Variants in NDUFB3 observed in about 807,000 individuals in gnomAD.
NDUFB3 encodes the protein NADH:ubiquinone oxidoreductase subunit B3, also known as NADH dehydrogenase [ubiquinone] 1 beta subcomplex subunit 3.
Under a neutral mutation model 9.0 loss-of-function variants are expected in NDUFB3, and 7 were observed. That is an observed-to-expected ratio of 0.78 (90% CI 0.44 to 1.46). NDUFB3 has a LOEUF of 1.46. Ranked by LOEUF, NDUFB3 falls within the 40% of genes most tolerant of loss-of-function variation. The probability of loss-of-function intolerance (pLI) is 0.01; values close to 1 mark genes in which losing one functional copy is unlikely to be tolerated. For synonymous variants in NDUFB3, 29 were observed against 38.5 expected (o/e 0.75, Z 0.91); for missense variants, 93 against 115.4 (o/e 0.81, Z 0.89).
chr2:201,085,745 T>TGC lies in NDUFB3; in HGVS notation c.*131_*132dup. 1 of 687,012 alleles carries TGC rather than the reference T, an allele frequency of 1.5e-6. No individual in the cohort carries two copies. Among genetic ancestry groups the TGC allele is most frequent in the South Asian group, 3.8e-5 (1 of 26,352 alleles). 42.6% of individuals were successfully genotyped at this position (687,012 alleles called of 1,614,324 possible). On this transcript the variant is annotated 3_prime_UTR_variant, in exon 3 of 3. Transcript: ENST00000237889. ...TTTAATCAATTAAAATATATATATA[T>TGC]GCCAATCTGCTTTTGTCATTCTTAA...
At chr2:201,073,983 C>T (rs936108140) in intron 1 of NDUFB3, among the ~76,000 whole-genome samples, 3 of 152,016 alleles carry the variant, frequency 2.0e-5, no homozygotes, top group Non-Finnish European at 2.9e-5. Context: ...GACAGAGTCT[C>T]GCTCTGTCGC....
At chr2:201,079,544 G>A (rs1235553640) in intron 2 of NDUFB3, among the ~76,000 whole-genome samples, 1 of 152,078 alleles carries the variant, frequency 6.6e-6, no homozygotes, top group Non-Finnish European at 1.5e-5. Flanking sequence ...CCAGGCTTAA[G>A]CAATCCTCCC....
chr2:201,084,105 A>G (rs1014169163), intron 2 of NDUFB3, among the ~76,000 whole-genome samples: 1 of 152,158 alleles, frequency 6.6e-6, no homozygotes, highest in Non-Finnish European at 1.5e-5. Context: ...TGTGGCCAAC[A>G]TAGTGAAACC....
intron 2 of NDUFB3, among the ~76,000 whole-genome samples, chr2:201,084,708 C>T (rs1033369272): frequency 6.6e-6 from 1 of 152,222 alleles, no homozygotes. Flanking sequence ...TTTCTTCTAA[C>T]ATCTTTGTCT....
At chr2:201,074,302 A>G (rs2047134912) in intron 1 of NDUFB3, among the ~76,000 whole-genome samples, 1 of 152,068 alleles carries the variant, frequency 6.6e-6, no homozygotes, top group African/African-American at 2.4e-5. Context: ...ATCTGTTTTG[A>G]GATTAAGTTA....
chr2:201,078,768 T>C (rs1350596095), intron 1 of NDUFB3, 113 bp from the exon 2 acceptor site: 11 of 1,064,116 alleles, frequency 1.0e-5, no homozygotes, highest in African/African-American at 1.7e-5. Flanking sequence ...AGTATTTATA[T>C]TGGCTTTTTT....
chr2:201,082,416 C>T lies in NDUFB3; in HGVS notation c.141-3043C>T, dbSNP rs565696405. On this transcript the variant is annotated intron_variant, in intron 2 of 2. Transcript: ENST00000237889. ...AGTAGCTGGGACTACAGGTGCATGC[C>T]GCCATGCCCAGCTAATTTTTGTATT... Among the ~76,000 whole-genome samples the T allele has an allele frequency of 1.0e-3, 155 of 151,766 alleles. 1 individual carries two copies. Among genetic ancestry groups the T allele is most frequent in the Non-Finnish European group, 1.8e-3 (125 of 67,908 alleles).
rs1329469838 is a variant in NDUFB3 at position 201,085,426 on chromosome 2, T to C, written c.141-33T>C. ...TCAACGTATATACACACACGTTGTG[T>C]ATGATTATAATTTTTTCTTTTTTTT... is the stretch of plus-strand genomic sequence containing the variant. On this transcript the variant is annotated intron_variant, in intron 2 of 2. Transcript: ENST00000237889. The C allele has an allele frequency of 4.5e-6, 7 of 1,552,488 alleles. No homozygotes were observed. In the South Asian group the frequency reaches 4.8e-5, roughly 11 times the overall value.
chr2:201,075,565 CAAAAAAAAAAA>C (rs771947770), intron 1 of NDUFB3, among the ~76,000 whole-genome samples: 1 of 48,038 alleles, frequency 2.1e-5, no homozygotes, highest in Admixed American at 2.1e-4. Context: ...GACTCTGTCT[CAAAAAAAAAAA>C]AAAAAAAAAA....
chr2:201,074,061 T>G (rs2047132120), intron 1 of NDUFB3, among the ~76,000 whole-genome samples: 1 of 152,052 alleles, frequency 6.6e-6, no homozygotes, highest in African/African-American at 2.4e-5. Flanking sequence ...CAAGTGATTC[T>G]TCTGTCTCAC....
chr2:201,072,866 G>A lies in NDUFB3; in HGVS notation c.-3+807G>A, dbSNP rs114092798. The stretch of plus-strand genomic sequence containing the variant: ...AAAATAAAGCATTGCCAATAACTTA[G>A]AACATGCAGTCTTAACAGGGGTGAT... On this transcript the variant is annotated intron_variant, in intron 1 of 2. Transcript: ENST00000237889. Among the ~76,000 whole-genome samples the A allele has an allele frequency of 8.7e-4, 133 of 152,200 alleles. 1 individual carries two copies. Among genetic ancestry groups the A allele is most frequent in the African/African-American group, 3.1e-3 (128 of 41,530 alleles).
chr2:201,075,014 G>A (rs1208114837), intron 1 of NDUFB3, among the ~76,000 whole-genome samples: 4 of 151,922 alleles, frequency 2.6e-5, no homozygotes, highest in Non-Finnish European at 4.4e-5. Flanking sequence ...CGATATCATT[G>A]TTTGATTTAT....
chr2:201,085,152 TG>T (rs2047276207), intron 2 of NDUFB3, among the ~76,000 whole-genome samples: 1 of 152,238 alleles, frequency 6.6e-6, no homozygotes, highest in Non-Finnish European at 1.5e-5. Context: ...ATGACTAGTG[TG>T]GGCAGAGCCC....
intron 1 of NDUFB3, among the ~76,000 whole-genome samples, chr2:201,076,484 A>ATATATATATATAT (rs2047163767): frequency 8.3e-6 from 1 of 120,116 alleles, no homozygotes; most frequent in Non-Finnish European, 1.8e-5. Context: ...TCTATCTTTA[A>ATATATATATATAT]ATATATATAT....
chr2:201,074,369 T>C (rs1245531651), intron 1 of NDUFB3, among the ~76,000 whole-genome samples: 2 of 151,998 alleles, frequency 1.3e-5, no homozygotes, highest in African/African-American at 2.4e-5. Context: ...TTTCAAGTGC[T>C]AGTGGCTACC....
At chr2:201,072,558 G>A (rs1288718045) in intron 1 of NDUFB3, among the ~76,000 whole-genome samples, 1 of 152,104 alleles carries the variant, frequency 6.6e-6, no homozygotes, top group Non-Finnish European at 1.5e-5. Flanking sequence ...TTTAGTGGAG[G>A]TTGATCTTCA....
intron 2 of NDUFB3, among the ~76,000 whole-genome samples, chr2:201,082,089 T>TA (rs2047231636): frequency 6.6e-6 from 1 of 152,092 alleles, no homozygotes; most frequent in Non-Finnish European, 1.5e-5. Context: ...GCGCTGGGAT[T>TA]ACAGGCATGA....
intron 1 of NDUFB3, among the ~76,000 whole-genome samples, chr2:201,075,179 GAAAAA>G (rs752371143): frequency 1.1e-5 from 1 of 91,102 alleles, no homozygotes; most frequent in Non-Finnish European, 2.3e-5. Flanking sequence ...GATCCTGTCT[GAAAAA>G]AAAAAAAAAA....
At chr2:201,073,529 G>A (rs1368936806) in intron 1 of NDUFB3, among the ~76,000 whole-genome samples, 2 of 152,124 alleles carry the variant, frequency 1.3e-5, no homozygotes, top group East Asian at 3.9e-4. Flanking sequence ...AACACTTTGG[G>A]TGGCCGAGGC....
Sources: gnomAD v4.1 joint callset for allele counts (sites outside exome capture counted in the v4.1 genomes callset) on GRCh38, gnomAD v4.1.1 for gene constraint, MANE v1.5 for transcripts, NCBI Gene and HGNC (gene_info 2026-07-23, HGNC 2026-07-21) for gene names.